The following BABAM2 variants were observed in gnomAD, a reference collection of about 807,000 sequenced individuals.
BABAM2 encodes the protein BRISC and BRCA1-A complex member 2.
Under a neutral mutation model 54.7 loss-of-function variants are expected in BABAM2, and 31 were observed. The ratio of observed to expected loss-of-function variants is 0.57; its 90% confidence interval spans 0.43 to 0.77. The LOEUF is 0.77. Among genes scored for constraint, BABAM2 ranks in the 30% least tolerant of loss-of-function variants. The pLI is 0.00. For missense variants in BABAM2, 364 were observed against 455.8 expected, an observed-to-expected ratio of 0.80 and a Z score of 1.83; for synonymous variants, 167 against 162.9, an observed-to-expected ratio of 1.03 and a Z score of -0.19.
intron 5 of BABAM2, among the ~76,000 whole-genome samples, chr2:28,044,373 G>A (rs10177993): frequency 0.011 from 1,712 of 152,210 alleles, 37 homozygotes; most frequent in African/African-American, 0.038. Context: ...GGGACTACAG[G>A]CACGTGCCAC....
chr2:27,893,790 T>C (rs1402576438), intron 1 of BABAM2, among the ~76,000 whole-genome samples: 1 of 151,996 alleles, frequency 6.6e-6, no homozygotes, highest in Admixed American at 6.6e-5. Context: ...CGTCAAGAGA[T>C]TGAGACCATC....
intron 6 of BABAM2, among the ~76,000 whole-genome samples, chr2:28,108,504 TACTA>T (rs1363560580): frequency 6.6e-6 from 1 of 152,220 alleles, no homozygotes; most frequent in Non-Finnish European, 1.5e-5. Flanking sequence ...GAAATATTCT[TACTA>T]ACCCAAGCCA....
chr2:28,322,916 G>A lies in BABAM2; in HGVS notation c.1089-15534G>A, dbSNP rs1690143337. ...TTGTCATTAAAGGGGCTAGACGTCT[G>A]GCCTGCTGGATAATATCCCCACATA... On this transcript the variant is annotated intron_variant, in intron 11 of 11. Transcript: ENST00000379624. This position sits in a 1 kb window ranked among gnomAD's most constrained non-coding sequence, Gnocchi z 4.1. 6.6e-6 allele frequency among the ~76,000 whole-genome samples: 1 copy of A among 152,242 alleles called. No homozygotes were observed. The highest frequency in any genetic ancestry group is 6.5e-5 in the Admixed American group (1 of 15,292).
chr2:28,323,134 G>A (rs1690169153), intron 11 of BABAM2, among the ~76,000 whole-genome samples: 1 of 152,190 alleles, frequency 6.6e-6, no homozygotes, highest in African/African-American at 2.4e-5. Context: ...TCCCCTGAGG[G>A]CCAGGGCCCT....
chr2:28,061,868 A>G (rs1240974493), intron 6 of BABAM2, among the ~76,000 whole-genome samples: 1 of 152,136 alleles, frequency 6.6e-6, no homozygotes, highest in Non-Finnish European at 1.5e-5. Flanking sequence ...GATTCTCATT[A>G]CTTGTAAAAG....
intron 6 of BABAM2, among the ~76,000 whole-genome samples, chr2:28,066,469 A>C (rs1263573885): frequency 6.6e-6 from 1 of 152,220 alleles, no homozygotes. Flanking sequence ...ATTGCTGCAT[A>C]ATACGTTACT....
At chr2:28,093,814 G>A (rs1666367347) in intron 6 of BABAM2, among the ~76,000 whole-genome samples, 1 of 152,176 alleles carries the variant, frequency 6.6e-6, no homozygotes, top group Non-Finnish European at 1.5e-5. Flanking sequence ...GAGGGAAACA[G>A]ATAAGAAATT....
chr2:28,148,846 C>G (rs1671750724), intron 7 of BABAM2, among the ~76,000 whole-genome samples: 1 of 152,226 alleles, frequency 6.6e-6, no homozygotes, highest in African/African-American at 2.4e-5. Flanking sequence ...AGAGTGAGCA[C>G]AGTGCACACA....
At chr2:28,003,437 A>G (rs978294968) in intron 4 of BABAM2, among the ~76,000 whole-genome samples, 1 of 152,170 alleles carries the variant, frequency 6.6e-6, no homozygotes, top group Non-Finnish European at 1.5e-5. Flanking sequence ...TACAAAAAAC[A>G]AAAATTAGCC....
chr2:28,169,644 G>A lies in BABAM2; in HGVS notation c.680+40264G>A, dbSNP rs562329628. Among the ~76,000 whole-genome samples the A allele has an allele frequency of 1.5e-4, 23 of 151,944 alleles. No individual in the cohort carries two copies. In the East Asian group the frequency reaches 3.3e-3, roughly 22 times the overall value. The stretch of plus-strand genomic sequence containing the variant: ...AAACAAACAAAAACAATAGCTAGGC[G>A]TAGTAGGGCGTGCCTGTAGTCCCTG... On this transcript the variant is annotated intron_variant, in intron 7 of 11. Coordinates refer to ENST00000379624, the MANE Select transcript of BABAM2 (RefSeq NM_199191.3).
rs186219818 is a variant in BABAM2 at position 28,025,215 on chromosome 2, G to A, written c.301-11G>A. ...TTTTAACTGGTCTTTTATTTGTTAC[G>A]ACTTCTACAGAATCTTGCCTCCTGG... is the stretch of plus-strand genomic sequence containing the variant. On this transcript the variant is annotated splice_polypyrimidine_tract_variant and intron_variant, in intron 4 of 11. Coordinates refer to ENST00000379624, the MANE Select transcript of BABAM2 (RefSeq NM_199191.3). The A allele has an allele frequency of 3.2e-4, 502 of 1,570,770 alleles. 1 individual carries two copies. The highest frequency in any genetic ancestry group is 3.1e-3 in the Middle Eastern group (18 of 5,824).
At chr2:28,021,861 A>G (rs1397331263) in intron 4 of BABAM2, among the ~76,000 whole-genome samples, 1 of 151,762 alleles carries the variant, frequency 6.6e-6, no homozygotes, top group Non-Finnish European at 1.5e-5. Context: ...TTCCTCCTTT[A>G]TCTCCCCACA....
At chr2:27,996,417 A>G (rs1673147780) in intron 4 of BABAM2, 1 of 154,846 alleles carries the variant, frequency 6.5e-6, no homozygotes, top group Non-Finnish European at 1.5e-5. Context: ...CAGTGTTCCT[A>G]AACAATTCTA....
At chr2:27,966,697 C>T (rs1015440794) in intron 3 of BABAM2, among the ~76,000 whole-genome samples, 3 of 152,248 alleles carry the variant, frequency 2.0e-5, no homozygotes, top group African/African-American at 7.2e-5. Context: ...GCGAAAATGT[C>T]TGGCTGGCCG....
At chr2:27,966,947 A>C (rs1670882159) in intron 3 of BABAM2, among the ~76,000 whole-genome samples, 1 of 152,238 alleles carries the variant, frequency 6.6e-6, no homozygotes, top group Admixed American at 6.5e-5. Context: ...TTAGTGGCCC[A>C]GACTAAGTGC....
In BABAM2 at chr2:27,894,531, A is replaced by G. The variant is rs763317679; in HGVS notation, c.-24-2A>G. The G allele has an allele frequency of 6.2e-7, 1 of 1,612,932 alleles. No individual in the cohort carries two copies. Among genetic ancestry groups the G allele is most frequent in the Non-Finnish European group, 8.5e-7 (1 of 1,178,930 alleles). On this transcript the variant is annotated splice_acceptor_variant, in intron 1 of 11. Transcript: ENST00000379624. LOFTEE classifies it low-confidence loss of function (5UTR_SPLICE). ...ATCATTATTCTTTCCTTCTGCTTTC[A>G]GTGGTGATTTACAAGTCAAGTTAAA...
chr2:28,159,911 G>T (rs75639945), intron 7 of BABAM2, among the ~76,000 whole-genome samples: 1 of 151,954 alleles, frequency 6.6e-6, no homozygotes, highest in African/African-American at 2.4e-5. Flanking sequence ...CCAGAATTTA[G>T]TTAGGTAAAA....
chr2:27,958,058 T>G (rs1385919466), intron 3 of BABAM2, among the ~76,000 whole-genome samples: 1 of 152,160 alleles, frequency 6.6e-6, no homozygotes, highest in African/African-American at 2.4e-5. Flanking sequence ...TGTTCGGCCT[T>G]TCAAACTGAG....
At chr2:28,264,269 T>C (rs1684788550) in intron 10 of BABAM2, among the ~76,000 whole-genome samples, 1 of 152,216 alleles carries the variant, frequency 6.6e-6, no homozygotes. Flanking sequence ...TACTGGATAC[T>C]AAAGATATAG....
Sources: allele counts gnomAD v4.1 joint callset (sites outside exome capture counted in the v4.1 genomes callset), GRCh38; gene constraint gnomAD v4.1.1; non-coding constraint Gnocchi (gnomAD v3.1); transcripts MANE v1.5; gene names NCBI Gene and HGNC (gene_info 2026-07-23, HGNC 2026-07-21).